WDR27: variants seen among roughly 807,000 people sequenced by gnomAD.
WDR27 encodes WD repeat domain 27.
A neutral mutation model predicts 114.4 loss-of-function variants in WDR27; 100 were observed. The ratio of observed to expected loss-of-function variants is 0.87; its 90% CI spans 0.74 to 1.03. WDR27 has a LOEUF of 1.03. WDR27 is among the 50% of genes least tolerant of loss of function. The probability of loss-of-function intolerance (pLI) is 0.00; values close to 1 mark genes in which losing one functional copy is unlikely to be tolerated. For synonymous variants in WDR27, 449 were observed against 423.1 expected (o/e 1.06, Z -0.75); for missense variants, 1,129 against 1,092.9 (o/e 1.03, Z -0.47).
intron 4 of WDR27, chr6:169,670,251 G>C (rs1041649984): frequency 1.0e-5 from 2 of 194,654 alleles, no homozygotes; most frequent in Admixed American, 1.1e-4. Context: ...AAACAAAAGC[G>C]CTATGCTAGG....
At chr6:169,607,393 T>TACACACACAC (rs199658563) in intron 22 of WDR27, among the ~76,000 whole-genome samples, 140 of 99,484 alleles carry the variant, frequency 1.4e-3, no homozygotes, top group African/African-American at 3.8e-3. Flanking sequence ...TGTGTGTGTA[T>TACACACACAC]ACACACACAC....
rs942059788 is a variant in WDR27 at position 169,659,967 on chromosome 6, A to T, written c.1130-449T>A. Among the ~76,000 whole-genome samples, 4 of 151,702 alleles carry T rather than the reference A, an allele frequency of 2.6e-5. No individual in the cohort carries two copies. The highest frequency in any genetic ancestry group is 3.2e-3 in the Middle Eastern group (1 of 316). ...GCTGAAGGGAAGGGCGTGTGTGAAGACACAGATGCATCCCACAGCCCCACA... is the reference window on the plus strand; with the variant it reads ...GCTGAAGGGAAGGGCGTGTGTGAAGTCACAGATGCATCCCACAGCCCCACA... On this transcript the variant is annotated intron_variant, in intron 10 of 25. Coordinates refer to ENST00000448612, the MANE Select transcript of WDR27 (RefSeq NM_182552.5). The surrounding 1 kb of genome is among the most constrained non-coding windows in gnomAD (Gnocchi z 4.3).
chr6:169,488,315 T>C (rs1266057702), intron 25 of WDR27, among the ~76,000 whole-genome samples: 1 of 152,324 alleles, frequency 6.6e-6, no homozygotes, highest in East Asian at 1.9e-4. Flanking sequence ...CAGATCTCCA[T>C]GGTGGAAGAG....
intron 25 of WDR27, among the ~76,000 whole-genome samples, chr6:169,541,132 GA>G (rs200558026): frequency 0.12 from 16,553 of 136,536 alleles, 1,892 homozygotes; most frequent in East Asian, 0.59. Flanking sequence ...GGAAAGGCAA[GA>G]AAAAAAAAAA....
At chr6:169,495,451 G>A (rs576705344) in intron 25 of WDR27, among the ~76,000 whole-genome samples, 3 of 151,106 alleles carry the variant, frequency 2.0e-5, no homozygotes, top group Admixed American at 1.3e-4. Context: ...AAATATTAGA[G>A]GAAATATAAA....
intron 25 of WDR27, among the ~76,000 whole-genome samples, chr6:169,472,784 T>A (rs1360396507): frequency 6.6e-6 from 1 of 152,182 alleles, no homozygotes; most frequent in Non-Finnish European, 1.5e-5. Flanking sequence ...AAAAAACATA[T>A]CTGATTTCAT....
chr6:169,639,372 CATG>C (rs1223283872), intron 17 of WDR27, among the ~76,000 whole-genome samples: 3 of 151,932 alleles, frequency 2.0e-5, no homozygotes, highest in East Asian at 1.9e-4. Flanking sequence ...CAGAAAAGAA[CATG>C]ATAACATTTA....
the WDR27 span, among the ~76,000 whole-genome samples, chr6:169,432,446 T>C: frequency 6.6e-6 from 1 of 152,170 alleles, no homozygotes; most frequent in Non-Finnish European, 1.5e-5. Context: ...AATTCCCATA[T>C]GTTGTAGGTG....
intron 25 of WDR27, among the ~76,000 whole-genome samples, chr6:169,468,567 A>T (rs1785918281): frequency 1.3e-5 from 2 of 152,236 alleles, no homozygotes; most frequent in Admixed American, 6.5e-5. Flanking sequence ...ACCTCCCACC[A>T]GGTCCCTCCC....
chr6:169,468,215 G>T (rs1785863451), intron 25 of WDR27, among the ~76,000 whole-genome samples: 2 of 152,126 alleles, frequency 1.3e-5, no homozygotes, highest in African/African-American at 4.8e-5. Context: ...TTTGGTCAAG[G>T]CCATTCAACA....
At chr6:169,590,077 C>T (rs538948248) in intron 23 of WDR27, among the ~76,000 whole-genome samples, 106 of 149,328 alleles carry the variant, frequency 7.1e-4, no homozygotes, top group South Asian at 3.9e-3. Context: ...ACTGAATGTA[C>T]TACTGAAGAA....
intron 22 of WDR27, among the ~76,000 whole-genome samples, chr6:169,612,631 T>TTAAA (rs556504417): frequency 5.2e-5 from 5 of 97,040 alleles, no homozygotes; most frequent in African/African-American, 2.1e-4. Context: ...CTGTCTAACA[T>TTAAA]AAAAAAAAAA....
At chr6:169,538,406 G>A (rs565434046) in intron 25 of WDR27, among the ~76,000 whole-genome samples, 6 of 152,010 alleles carry the variant, frequency 3.9e-5, no homozygotes, top group Non-Finnish European at 8.8e-5. Flanking sequence ...ACTTCCAACC[G>A]TGCGACATAG....
chr6:169,698,171 C>T (rs1464106906), intron 1 of WDR27, among the ~76,000 whole-genome samples: 1 of 152,156 alleles, frequency 6.6e-6, no homozygotes, highest in African/African-American at 2.4e-5. Context: ...CAGTCTGGCC[C>T]CAGTGTGCAC....
In WDR27 at chr6:169,684,238, C is replaced by T. The variant is rs1023851262; in HGVS notation, c.189+4579G>A. 6.6e-6 allele frequency among the ~76,000 whole-genome samples: 1 copy of T among 152,156 alleles called. No homozygotes were observed. The highest frequency in any genetic ancestry group is 2.4e-5 in the African/African-American group (1 of 41,438). ...ATTTAGCCAAACCATTGCACACCCT[C>T]CTCAAAGCAGGAGAGGCTCCTGAGA... On this transcript the variant is annotated intron_variant, in intron 2 of 25. Transcript: ENST00000448612. This position sits in a 1 kb window ranked among gnomAD's most constrained non-coding sequence, Gnocchi z 4.3.
intron 23 of WDR27, among the ~76,000 whole-genome samples, chr6:169,590,693 C>T (rs1805561293): frequency 6.6e-6 from 1 of 152,244 alleles, no homozygotes; most frequent in South Asian, 2.1e-4. Context: ...ATATGGCACA[C>T]ACAGTAATAA....
chr6:169,581,300 C>G (rs577759013), intron 24 of WDR27, among the ~76,000 whole-genome samples: 1 of 152,076 alleles, frequency 6.6e-6, no homozygotes, highest in African/African-American at 2.4e-5. Flanking sequence ...CTGACTCCCC[C>G]CATAAATCAC....
intron 1 of WDR27, among the ~76,000 whole-genome samples, chr6:169,690,894 T>A (rs904476508): frequency 2.6e-5 from 4 of 152,030 alleles, no homozygotes; most frequent in Admixed American, 6.5e-5. Flanking sequence ...CAAAGGAGAA[T>A]GGACCACTCG....
At chr6:169,636,010 T>TTTA (rs1485244790) in intron 19 of WDR27, among the ~76,000 whole-genome samples, 1 of 152,346 alleles carries the variant, frequency 6.6e-6, no homozygotes, top group East Asian at 1.9e-4. Flanking sequence ...TAAGAAGATA[T>TTTA]TTATTATTCC....
Sources: allele counts gnomAD v4.1 joint callset (sites outside exome capture counted in the v4.1 genomes callset), GRCh38; gene constraint gnomAD v4.1.1; non-coding constraint Gnocchi (gnomAD v3.1); transcripts MANE v1.5; gene names NCBI Gene and HGNC (gene_info 2026-07-23, HGNC 2026-07-21).